LSAMP: variants seen among roughly 807,000 people sequenced by gnomAD.
LSAMP encodes limbic system associated membrane protein.
In LSAMP, 7 loss-of-function variants were observed where a neutral mutation model predicts 38.6. The observed-to-expected ratio is 0.18, with a 90% confidence interval of 0.10 to 0.34. LSAMP has a LOEUF of 0.34. Among genes scored for constraint, LSAMP ranks in the 10% least tolerant of loss-of-function variants. LSAMP has a pLI of 1.00. For missense variants in LSAMP, 313 were observed against 420.0 expected, an observed-to-expected ratio of 0.75 and a Z score of 2.23; for synonymous variants, 154 against 166.8, an observed-to-expected ratio of 0.92 and a Z score of 0.59.
At chr3:115,933,664 T>G (rs1268271019) in intron 3 of LSAMP, among the ~76,000 whole-genome samples, 1 of 151,958 alleles carries the variant, frequency 6.6e-6, no homozygotes, top group Non-Finnish European at 1.5e-5. Flanking sequence ...CCTGGAAGAG[T>G]GTGCAGAGAA....
At chr3:116,048,217 T>C (rs926345911) in intron 2 of LSAMP, among the ~76,000 whole-genome samples, 28 of 152,226 alleles carry the variant, frequency 1.8e-4, no homozygotes, top group Admixed American at 1.8e-3. Context: ...TTCTGAATGA[T>C]CATGTATGTT....
chr3:115,932,931 G>T (rs535910621), intron 3 of LSAMP, among the ~76,000 whole-genome samples: 27 of 152,292 alleles, frequency 1.8e-4, no homozygotes, highest in Admixed American at 1.4e-3. Context: ...CAGTGGGTAC[G>T]CAGTGGAAAG....
intron 1 of LSAMP, among the ~76,000 whole-genome samples, chr3:116,196,106 T>C (rs777267839): frequency 2.6e-5 from 4 of 152,192 alleles, no homozygotes; most frequent in Non-Finnish European, 5.9e-5. Flanking sequence ...CTTCACCTCA[T>C]CTTCTCATTG....
chr3:116,322,286 G>T (rs536788589), intron 1 of LSAMP, among the ~76,000 whole-genome samples: 3 of 152,190 alleles, frequency 2.0e-5, no homozygotes, highest in East Asian at 3.9e-4. Flanking sequence ...TTTTATGATG[G>T]AATATAAAAG....
chr3:116,049,171 T>C (rs953786816), intron 2 of LSAMP, among the ~76,000 whole-genome samples: 2 of 152,214 alleles, frequency 1.3e-5, no homozygotes, highest in Non-Finnish European at 2.9e-5. Context: ...TAATGGGATT[T>C]ACTGGGCTTT....
At chr3:116,297,019 T>G (rs1266774745) in intron 1 of LSAMP, among the ~76,000 whole-genome samples, 2 of 152,174 alleles carry the variant, frequency 1.3e-5, no homozygotes, top group Non-Finnish European at 2.9e-5. Flanking sequence ...TGCCTATCTT[T>G]GAAGAAGTAA....
At chr3:116,302,678 A>G (rs1280361632) in intron 1 of LSAMP, among the ~76,000 whole-genome samples, 1 of 152,216 alleles carries the variant, frequency 6.6e-6, no homozygotes. Context: ...ACAGTCATTC[A>G]AAGTTACAGA....
chr3:116,437,475 A>G (rs1306538711), intron 1 of LSAMP, among the ~76,000 whole-genome samples: 1 of 152,162 alleles, frequency 6.6e-6, no homozygotes, highest in Non-Finnish European at 1.5e-5. Context: ...ACAGACAGAT[A>G]GTAGACATGT....
chr3:115,922,102 G>C (rs752957331), intron 3 of LSAMP, among the ~76,000 whole-genome samples: 9 of 152,126 alleles, frequency 5.9e-5, no homozygotes, highest in Admixed American at 1.3e-4. Context: ...TGGGCTTCTT[G>C]AATCTGGATG....
At chr3:116,197,163 A>ACACACACTCTCTCTCTCTCTCT (rs1268040540) in intron 1 of LSAMP, among the ~76,000 whole-genome samples, 1 of 139,088 alleles carries the variant, frequency 7.2e-6, no homozygotes, top group African/African-American at 2.6e-5. Flanking sequence ...ACACACACAC[A>ACACACACTCTCTCTCTCTCTCT]CTCTCTCTCT....
chr3:116,223,034 G>A (rs187311546), intron 1 of LSAMP, among the ~76,000 whole-genome samples: 184 of 151,558 alleles, frequency 1.2e-3, no homozygotes, highest in African/African-American at 4.2e-3. Flanking sequence ...CACCGCGCCC[G>A]GCCTCAAAAT....
chr3:116,416,457 G>A (rs1438672648), intron 1 of LSAMP, among the ~76,000 whole-genome samples: 1 of 152,138 alleles, frequency 6.6e-6, no homozygotes, highest in Non-Finnish European at 1.5e-5. Flanking sequence ...GAAGCAAAAT[G>A]GGGATAAAAA....
chr3:115,861,494 A>G (rs955228759), intron 3 of LSAMP, among the ~76,000 whole-genome samples: 2 of 147,490 alleles, frequency 1.4e-5, no homozygotes, highest in African/African-American at 5.0e-5. Flanking sequence ...TCTGGGCTCA[A>G]TGAGAGAGAG....
At position 115,810,089 on chromosome 3, in the gene LSAMP, C is replaced by T. The variant is rs773914123; in HGVS notation, c.*228G>A. On this transcript the variant is annotated 3_prime_UTR_variant, in exon 7 of 7. Coordinates refer to ENST00000490035, the MANE Select transcript of LSAMP (RefSeq NM_002338.5). ...TAAACATATCCCAGTAGAACCTTCT[C>T]CATCCTGAATGATACATAAATTTTT... The T allele has an allele frequency of 2.1e-4, 104 of 494,770 alleles. No homozygotes were observed. The highest frequency in any genetic ancestry group is 3.3e-4 in the Non-Finnish European group (91 of 278,106). 30.6% of individuals were successfully genotyped at this position (494,770 alleles called of 1,614,324 possible).
chr3:116,377,013 T>G (rs2048502528), intron 1 of LSAMP, among the ~76,000 whole-genome samples: 1 of 152,080 alleles, frequency 6.6e-6, no homozygotes, highest in African/African-American at 2.4e-5. Context: ...CCCTCTTTTC[T>G]TCAGTCTACC....
chr3:116,412,008 G>A (rs2048987547), intron 1 of LSAMP, among the ~76,000 whole-genome samples: 1 of 151,918 alleles, frequency 6.6e-6, no homozygotes, highest in South Asian at 2.1e-4. Flanking sequence ...CCATGCTCTT[G>A]CATTTCTCAG....
intron 1 of LSAMP, among the ~76,000 whole-genome samples, chr3:116,095,934 G>C (rs1345260963): frequency 2.6e-5 from 4 of 152,270 alleles, no homozygotes; most frequent in Non-Finnish European, 5.9e-5. Flanking sequence ...GGTGGCGATA[G>C]GTTTAGGCTA....
In LSAMP at chr3:115,810,248, T is replaced by TCTC; in HGVS notation, c.*66_*68dup. 1 of 1,107,300 alleles carries TCTC rather than the reference T, an allele frequency of 9.0e-7. No individual in the cohort carries two copies. Among genetic ancestry groups the TCTC allele is most frequent in the Non-Finnish European group, 1.3e-6 (1 of 759,848 alleles). The allele number at this position is 1,107,300 out of a possible 1,614,324, so 68.6% of individuals were successfully genotyped here. The stretch of plus-strand genomic sequence containing the variant: ...CTCTCTCTCTCTCTCTCTCTCTGTC[T>TCTC]CTCTCTCTCTGTATTCTGTGTGACG... On this transcript the variant is annotated 3_prime_UTR_variant, in exon 7 of 7. Transcript: ENST00000490035.
chr3:116,341,916 T>C (rs2048000604), intron 1 of LSAMP, among the ~76,000 whole-genome samples: 1 of 152,038 alleles, frequency 6.6e-6, no homozygotes, highest in South Asian at 2.1e-4. Context: ...GCTGAACATG[T>C]ATTGGCTGGA....
Sources: allele counts gnomAD v4.1 joint callset (sites outside exome capture counted in the v4.1 genomes callset), GRCh38; gene constraint gnomAD v4.1.1; transcripts MANE v1.5; gene names NCBI Gene and HGNC (gene_info 2026-07-23, HGNC 2026-07-21).